Variants in CAST observed in about 807,000 individuals in gnomAD.
CAST encodes MIR583 host.
Under a neutral mutation model 119.6 loss-of-function variants are expected in CAST, and 76 were observed. That is an observed-to-expected ratio of 0.64 (90% confidence interval 0.53 to 0.77). The LOEUF (loss-of-function observed/expected upper bound fraction) is 0.77, where lower values mean the gene tolerates loss of function less well. Ranked by LOEUF, CAST falls within the 30% of genes least tolerant of loss-of-function variation. CAST has a pLI of 0.00. For missense variants in CAST, 953 were observed against 946.5 expected (o/e 1.01, Z -0.09); for synonymous variants, 319 against 331.6 (o/e 0.96, Z 0.41).
the CAST span, chr5:96,408,179 G>A: frequency 7.4e-7 from 1 of 1,342,924 alleles, no homozygotes; most frequent in Non-Finnish European, 1.1e-6. Flanking sequence ...AAAATAAGGA[G>A]AATCAGCCTT....
At chr5:96,642,443 C>T (rs1195372642) in intron 1 of CAST, among the ~76,000 whole-genome samples, 4 of 151,926 alleles carry the variant, frequency 2.6e-5, no homozygotes, top group Non-Finnish European at 5.9e-5. Context: ...TGAACAGGGC[C>T]AGGAGGTCAT....
At chr5:96,678,273 A>G (rs1434629870) in intron 2 of CAST, among the ~76,000 whole-genome samples, 2 of 152,182 alleles carry the variant, frequency 1.3e-5, no homozygotes, top group Non-Finnish European at 2.9e-5. Flanking sequence ...CCATTTTCAA[A>G]CTGGCATGTA....
At chr5:96,767,583 G>C (rs1770445164) in intron 28 of CAST, 101 bp downstream of exon 28, 1 of 816,992 alleles carries the variant, frequency 1.2e-6, no homozygotes, top group Admixed American at 2.1e-5. Context: ...TGCCTACTCT[G>C]TGCCTGGTAC....
chr5:96,566,662 T>C (rs927823309), intron 1 of CAST, among the ~76,000 whole-genome samples: 1 of 152,180 alleles, frequency 6.6e-6, no homozygotes, highest in Non-Finnish European at 1.5e-5. Context: ...CTCAAGTCAT[T>C]TAAAGTCTAA....
the CAST span, among the ~76,000 whole-genome samples, chr5:96,161,988 T>C: frequency 1.2e-4 from 19 of 152,352 alleles, 1 homozygote; most frequent in East Asian, 3.3e-3. Context: ...ACTAAACTTA[T>C]GTATTAGTTC....
At chr5:96,750,996 C>T (rs1265685296) in intron 20 of CAST, among the ~76,000 whole-genome samples, 2 of 151,954 alleles carry the variant, frequency 1.3e-5, no homozygotes, top group African/African-American at 4.8e-5. Context: ...GGATTTCCAC[C>T]GAAAGCCCAA....
the CAST span, among the ~76,000 whole-genome samples, chr5:96,479,705 C>T: frequency 6.6e-6 from 1 of 152,048 alleles, no homozygotes; most frequent in Non-Finnish European, 1.5e-5. Context: ...TCCTTGGCCT[C>T]CCAAAGTGCT....
At chr5:96,364,457 C>CT in the CAST span, among the ~76,000 whole-genome samples, 4 of 152,112 alleles carry the variant, frequency 2.6e-5, no homozygotes, top group African/African-American at 9.7e-5. Context: ...TGGTCCTGAA[C>CT]TTTTTTTGGT....
the CAST span, among the ~76,000 whole-genome samples, chr5:96,146,252 C>T: frequency 6.6e-6 from 1 of 152,218 alleles, no homozygotes; most frequent in Non-Finnish European, 1.5e-5. Flanking sequence ...CATAAGTTGT[C>T]TGCTGACCGC....
chr5:96,707,031 C>A (rs1184548834), intron 3 of CAST, among the ~76,000 whole-genome samples: 2 of 152,184 alleles, frequency 1.3e-5, no homozygotes, highest in African/African-American at 4.8e-5. Flanking sequence ...ACCCGAGGTG[C>A]AAAAGTGCAA....
intron 1 of CAST, among the ~76,000 whole-genome samples, chr5:96,573,792 TCAAA>T (rs1746616092): frequency 6.6e-6 from 1 of 152,226 alleles, no homozygotes; most frequent in African/African-American, 2.4e-5. Context: ...TCCAACTTTC[TCAAA>T]CAACCACTCT....
the CAST span, among the ~76,000 whole-genome samples, chr5:96,311,274 G>A: frequency 5.3e-5 from 8 of 151,786 alleles, no homozygotes; most frequent in East Asian, 3.8e-4. Flanking sequence ...CTTTTATTGC[G>A]ATCAGAAAGA....
At chr5:96,722,872 A>G (rs890966597) in intron 4 of CAST, among the ~76,000 whole-genome samples, 174 bp downstream of exon 4, 1 of 152,198 alleles carries the variant, frequency 6.6e-6, no homozygotes. Flanking sequence ...TTTCCTTCCA[A>G]TATTTACCTT....
chr5:96,199,071 A>G, the CAST span, among the ~76,000 whole-genome samples: 1 of 152,016 alleles, frequency 6.6e-6, no homozygotes, highest in African/African-American at 2.4e-5. Context: ...TTTGATAAAA[A>G]CCCTTTGACA....
At chr5:96,753,592 C>T (rs991414741) in intron 20 of CAST, among the ~76,000 whole-genome samples, 2 of 152,160 alleles carry the variant, frequency 1.3e-5, no homozygotes, top group African/African-American at 4.8e-5. Context: ...CAGTAGAAGC[C>T]CTGTGGAGAA....
At chr5:96,056,710 A>C in the CAST span, among the ~76,000 whole-genome samples, 2 of 152,168 alleles carry the variant, frequency 1.3e-5, no homozygotes, top group Admixed American at 1.3e-4. Context: ...TACATCATAG[A>C]TATTCAAGTG....
At chr5:96,425,013 AAAGAAAGAAAG>A in the CAST span, among the ~76,000 whole-genome samples, 1 of 22,894 alleles carries the variant, frequency 4.4e-5, no homozygotes, top group Non-Finnish European at 9.8e-5. Context: ...GAAAGAAAAG[AAAGAAAGAAAG>A]AAAGAAAGAA....
At chr5:96,623,506 AGAGTGAAG>A (rs1747661177) in intron 1 of CAST, among the ~76,000 whole-genome samples, 2 of 152,122 alleles carry the variant, frequency 1.3e-5, no homozygotes, top group Admixed American at 1.3e-4. Flanking sequence ...TCAGAAGGGG[AGAGTGAAG>A]ATTATGGTCT....
At chr5:95,982,413 C>G in the CAST span, among the ~76,000 whole-genome samples, 1 of 152,072 alleles carries the variant, frequency 6.6e-6, no homozygotes, top group Non-Finnish European at 1.5e-5. Context: ...TCTATCACCA[C>G]AGAGGAAATT....
Sources: allele counts gnomAD v4.1 joint callset (sites outside exome capture counted in the v4.1 genomes callset), GRCh38; gene constraint gnomAD v4.1.1; transcripts MANE v1.5; gene names NCBI Gene and HGNC (gene_info 2026-07-23, HGNC 2026-07-21).